AK9: variants seen among roughly 807,000 people sequenced by gnomAD.
AK9 encodes the protein adenylate kinase 9.
AK9 carries 191 observed loss-of-function variants against 239.6 expected under a neutral mutation model. That is an observed-to-expected ratio of 0.80 (90% CI 0.71 to 0.90). AK9 has a LOEUF of 0.90. Ranked by LOEUF, AK9 falls within the 40% of genes least tolerant of loss-of-function variation. The pLI, the probability that AK9 is intolerant of heterozygous loss-of-function variation, is 0.00. For missense variants in AK9, 1,995 were observed against 2,214.7 expected (o/e 0.90, Z 1.99); for synonymous variants, 689 against 721.0 (o/e 0.96, Z 0.71).
At chr6:109,497,326 TCACA>T (rs141968479) in intron 38 of AK9, 135 bp downstream of exon 38, 6,191 of 417,076 alleles carry the variant, frequency 0.015, 6 homozygotes, top group Middle Eastern at 0.018. Context: ...CAGTGCTTGT[TCACA>T]CACACACACA....
At chr6:109,498,045 G>A in intron 36 of AK9, 80 bp from the exon 37 acceptor site, 1 of 1,380,814 alleles carries the variant, frequency 7.2e-7, no homozygotes, top group Non-Finnish European at 1.0e-6. Flanking sequence ...AGGCTCTCCT[G>A]CACCCTCCCC....
chr6:109,514,414 CTTGA>C lies in AK9; in HGVS notation c.4085_4088del (p.Ile1362SerfsTer13). 6.5e-7 allele frequency: 1 copy of C among 1,548,294 alleles called. No individual in the cohort carries two copies. The highest frequency in any genetic ancestry group is 8.7e-7 in the Non-Finnish European group (1 of 1,146,286). ...TTGGATTCTCTGCATTTTCAACTGG[CTTGA>C]TTGTCTCTCCTTCACTTAGCTGCAA... On this transcript the variant is annotated frameshift_variant, in exon 32 of 41. Transcript: ENST00000424296. LOFTEE classifies it high-confidence loss of function.
intron 10 of AK9, among the ~76,000 whole-genome samples, chr6:109,635,989 C>A (rs1217045598): frequency 6.6e-5 from 10 of 152,166 alleles, no homozygotes; most frequent in Non-Finnish European, 1.0e-4. Context: ...GTAATCTTTA[C>A]AATAATACGA....
rs78704011 is a variant in AK9 at position 109,506,526 on chromosome 6, A to G, written c.4650T>C (p.Asn1550=). 4,335 of 1,593,962 alleles carry G rather than the reference A, an allele frequency of 2.7e-3. 110 individuals are homozygous for G. In the African/African-American group the frequency reaches 0.052, roughly 19 times the overall value. ...NEQRLPYPLH[N]SAQIVAVNNV... ...TATTGACAGCTACAATTTGTGCACT[A>G]TTGTGCAATGGATAAGGCAATCTAA... The change falls in exon 35 of 41, where the codon AAT becomes AAC. Residue 1550 remains asparagine, a synonymous_variant. Coordinates refer to ENST00000424296, the MANE Select transcript of AK9 (RefSeq NM_001145128.3).
chr6:109,551,429 G>A (rs1390059656), intron 24 of AK9, among the ~76,000 whole-genome samples: 1 of 150,512 alleles, frequency 6.6e-6, no homozygotes, highest in African/African-American at 2.4e-5. Context: ...TGAGGCAGGA[G>A]AATCACTTGA....
chr6:109,664,511 G>A (rs1013135426), intron 5 of AK9, among the ~76,000 whole-genome samples: 58 of 151,950 alleles, frequency 3.8e-4, no homozygotes, highest in Non-Finnish European at 2.5e-4. Context: ...TGCAACCTCC[G>A]CCTCCGGGGT....
chr6:109,621,642 AC>A (rs1384164019), intron 12 of AK9, among the ~76,000 whole-genome samples: 1 of 110,582 alleles, frequency 9.0e-6, no homozygotes, highest in African/African-American at 3.7e-5. Flanking sequence ...TATTGCAAGA[AC>A]AAAAAACCAA....
At chr6:109,612,184 C>G in intron 15 of AK9, 91 bp from the exon 16 acceptor site, 1 of 763,938 alleles carries the variant, frequency 1.3e-6, no homozygotes, top group Non-Finnish European at 2.1e-6. Flanking sequence ...GCCTAGGGAA[C>G]CAGGACTCAC....
chr6:109,498,887 C>A (rs1446926702), intron 36 of AK9, among the ~76,000 whole-genome samples, 157 bp downstream of exon 36: 1 of 152,282 alleles, frequency 6.6e-6, no homozygotes, highest in Non-Finnish European at 1.5e-5. Flanking sequence ...AGTTTTGGAA[C>A]TCACTGCTGA....
intron 28 of AK9, 136 bp downstream of exon 28, chr6:109,533,115 T>C (rs1781497812): frequency 7.7e-6 from 5 of 649,378 alleles, no homozygotes; most frequent in Non-Finnish European, 1.2e-5. Flanking sequence ...ATAGTCTTAA[T>C]ATTCGATGAA....
intron 12 of AK9, among the ~76,000 whole-genome samples, chr6:109,622,911 T>A (rs1795049671): frequency 6.6e-6 from 1 of 152,066 alleles, no homozygotes; most frequent in Admixed American, 6.6e-5. Flanking sequence ...ATGGTTATAC[T>A]CTTACTAGCA....
chr6:109,657,061 T>C (rs1433038122), intron 7 of AK9, among the ~76,000 whole-genome samples, 177 bp from the exon 8 acceptor site: 3 of 152,194 alleles, frequency 2.0e-5, no homozygotes, highest in Non-Finnish European at 4.4e-5. Flanking sequence ...CGGGTCTTCA[T>C]CAGATGGAAT....
chr6:109,533,784 C>A (rs1256440326), intron 27 of AK9, among the ~76,000 whole-genome samples: 1 of 151,800 alleles, frequency 6.6e-6, no homozygotes, highest in African/African-American at 2.4e-5. Flanking sequence ...TATAATATTC[C>A]ATACATATAT....
intron 35 of AK9, among the ~76,000 whole-genome samples, chr6:109,500,013 TA>T (rs1777438040): frequency 6.7e-6 from 1 of 148,872 alleles, no homozygotes; most frequent in South Asian, 2.1e-4. Flanking sequence ...AGTTCTTAGC[TA>T]TTATAGACTA....
intron 1 of AK9, among the ~76,000 whole-genome samples, chr6:109,686,448 C>A (rs888917798): frequency 6.6e-6 from 1 of 152,118 alleles, no homozygotes; most frequent in Non-Finnish European, 1.5e-5. Flanking sequence ...GAGCATAAAG[C>A]GCACTAAAGA....
intron 8 of AK9, among the ~76,000 whole-genome samples, chr6:109,653,732 C>T (rs1799309306): frequency 6.7e-6 from 1 of 149,292 alleles, no homozygotes; most frequent in African/African-American, 2.5e-5. Context: ...ATGTTTTTTG[C>T]CATGTGGCAC....
At chr6:109,501,330 C>G (rs1777584836) in intron 35 of AK9, among the ~76,000 whole-genome samples, 2 of 152,054 alleles carry the variant, frequency 1.3e-5, no homozygotes, top group African/African-American at 4.8e-5. Context: ...AGATGATGTC[C>G]CCTGATACCA....
chr6:109,558,324 A>C (rs1171076119), intron 24 of AK9, among the ~76,000 whole-genome samples: 1 of 152,132 alleles, frequency 6.6e-6, no homozygotes, highest in Non-Finnish European at 1.5e-5. Flanking sequence ...CCAAGGTCTC[A>C]AAGATTCTCT....
intron 1 of AK9, among the ~76,000 whole-genome samples, chr6:109,684,585 G>A (rs1283108701): frequency 6.6e-6 from 1 of 150,634 alleles, no homozygotes; most frequent in Non-Finnish European, 1.5e-5. Flanking sequence ...CAAAAAGTAG[G>A]CAAAGGAGGC....
Sources: gnomAD v4.1 joint callset for allele counts (sites outside exome capture counted in the v4.1 genomes callset) on GRCh38, gnomAD v4.1.1 for gene constraint, MANE v1.5 for transcripts, NCBI Gene and HGNC (gene_info 2026-07-23, HGNC 2026-07-21) for gene names.